Variants in THEMIS2 observed in about 807,000 individuals in gnomAD.
The protein encoded by THEMIS2 is thymocyte selection associated family member 2.
Under a neutral mutation model 46.8 loss-of-function variants are expected in THEMIS2, and 29 were observed. That is an observed-to-expected ratio of 0.62 (90% CI 0.46 to 0.84). THEMIS2 has a LOEUF of 0.84. THEMIS2 is among the 40% of genes least tolerant of loss of function. The pLI, the probability that THEMIS2 is intolerant of heterozygous loss-of-function variation, is 0.00. For synonymous variants in THEMIS2, 335 were observed against 349.1 expected (o/e 0.96, Z 0.45); for missense variants, 698 against 834.7 (o/e 0.84, Z 2.02).
chr1:27,873,916 G>A (rs1003637510), intron 1 of THEMIS2, among the ~76,000 whole-genome samples: 2 of 152,102 alleles, frequency 1.3e-5, no homozygotes, highest in Non-Finnish European at 2.9e-5. Flanking sequence ...GGGTGAGTGC[G>A]GAGGACAGAT....
chr1:27,880,138 C>T lies in THEMIS2; in HGVS notation c.646+84C>T, dbSNP rs1396901012. 20 of 1,399,750 alleles carry T rather than the reference C, an allele frequency of 1.4e-5. No homozygotes were observed. The Admixed American group carries it at 5.2e-4, about 36-fold the overall frequency. 86.7% of individuals were successfully genotyped at this position (1,399,750 alleles called of 1,614,324 possible). A position where few individuals can be genotyped will look rare whatever the true frequency, so the allele number is the denominator to read the frequency against. ...GGGAGCTGCTCTGATGGAAGACACC[C>T]CCACCCCATCCCTGAGGATCAGCTG... On this transcript the variant is annotated intron_variant, in intron 3 of 5. Transcript: ENST00000373921.
chr1:27,885,667 C>A (rs1344545727), intron 5 of THEMIS2, among the ~76,000 whole-genome samples, 200 bp from the exon 6 acceptor site: 1 of 152,128 alleles, frequency 6.6e-6, no homozygotes, highest in East Asian at 1.9e-4. Flanking sequence ...CAGTCCCCAA[C>A]ATACTACCCT....
intron 1 of THEMIS2, 62 bp from the exon 2 acceptor site, chr1:27,876,526 G>T: frequency 6.3e-7 from 1 of 1,582,802 alleles, no homozygotes. Context: ...TGGGCACCAG[G>T]GCACAGGCTG....
At chr1:27,885,555 T>C (rs2089756192) in intron 5 of THEMIS2, 104 bp downstream of exon 5, 1 of 1,404,688 alleles carries the variant, frequency 7.1e-7, no homozygotes, top group African/African-American at 1.4e-5. Flanking sequence ...GACCCTTCTA[T>C]GGTCCCAGTT....
intron 1 of THEMIS2, among the ~76,000 whole-genome samples, chr1:27,875,622 G>A (rs1205916446): frequency 6.6e-6 from 1 of 152,176 alleles, no homozygotes; most frequent in Non-Finnish European, 1.5e-5. Context: ...GTGCACTCGT[G>A]TGTGCGTGAG....
At position 27,885,892 on chromosome 1, in the gene THEMIS2, A is replaced by C; in HGVS notation, c.1902A>C (p.Glu634Asp). 1 of 1,613,988 alleles carries C rather than the reference A, an allele frequency of 6.2e-7. No homozygotes were observed. The highest frequency in any genetic ancestry group is 1.3e-5 in the African/African-American group (1 of 74,992). The change falls in exon 6 of 6, where the codon GAA becomes GAC. Residue 634 changes from glutamate to aspartate, a missense_variant. Coordinates refer to ENST00000373921, the MANE Select transcript of THEMIS2 (RefSeq NM_001105556.3). ...DLDDDEHDYEEILEQFQKTI is the reference protein window; with the variant it reads ...DLDDDEHDYEDILEQFQKTI Reference sequence around the variant, plus strand: ...ATGATGATGAACATGATTATGAAGAAATACTTGAGCAATTTCAGAAAACCA... The same window carrying C: ...ATGATGATGAACATGATTATGAAGACATACTTGAGCAATTTCAGAAAACCA...
intron 2 of THEMIS2, 113 bp downstream of exon 2, chr1:27,876,841 C>T (rs2089590028): frequency 7.4e-7 from 1 of 1,350,410 alleles, no homozygotes; most frequent in East Asian, 2.5e-5. Flanking sequence ...GGGGTTTGCT[C>T]CCGAGGCCCT....
At position 27,885,329 on chromosome 1, in the gene THEMIS2, G is replaced by T. The variant is rs368016870; in HGVS notation, c.1754G>T (p.Arg585Leu). The T allele has an allele frequency of 1.2e-6, 2 of 1,613,970 alleles. No homozygotes were observed. The highest frequency in any genetic ancestry group is 1.7e-6 in the Non-Finnish European group (2 of 1,179,998). ...SQVLGLQQHA[R>L]LPKPKAKTLP... ...GTCTTAGGATTGCAGCAACACGCTC[G>T]GCTGCCCAAACCCAAGGCGAAGACC... Residue 585 changes from arginine to leucine, a missense_variant, in exon 5 of 6, where the codon CGG (arginine) becomes CTG (leucine). By Grantham distance (102) the Arg-to-Leu change is moderately radical (BLOSUM62 -2). Coordinates refer to ENST00000373921, the MANE Select transcript of THEMIS2 (RefSeq NM_001105556.3).
Position 27,882,009 on chromosome 1 carries a change from G to T in THEMIS2, c.685G>T (p.Val229Phe). The change falls in exon 4 of 6, where the codon GTC becomes TTC. Residue 229 changes from valine (V) to phenylalanine (F), a missense_variant. Val to Phe is a conservative substitution (Grantham distance 50). Transcript: ENST00000373921. This position sits in a 1 kb window ranked among gnomAD's most constrained non-coding sequence, Gnocchi z 7.6. ...TIVKIPSTLE[V>F]DVEDVTASSR... Reference sequence around the variant, plus strand: ...TGTCAAGATCCCTTCTACCCTGGAGGTCGACGTGGAGGACGTCACCGCCTC... The same window carrying T: ...TGTCAAGATCCCTTCTACCCTGGAGTTCGACGTGGAGGACGTCACCGCCTC... 3.1e-6 allele frequency: 5 copies of T among 1,614,088 alleles called. No homozygotes were observed. Among genetic ancestry groups the T allele is most frequent in the Non-Finnish European group, 4.2e-6 (5 of 1,180,006 alleles).
rs545859600 is a variant in THEMIS2 at position 27,882,765 on chromosome 1, A to G, written c.1441A>G (p.Ile481Val). The G allele has an allele frequency of 1.9e-6, 3 of 1,613,610 alleles. No individual in the cohort carries two copies. Among genetic ancestry groups the G allele is most frequent in the East Asian group, 4.5e-5 (2 of 44,842 alleles). Residue 481 changes from isoleucine to valine, a missense_variant, in exon 4 of 6, where the codon ATC becomes GTC. Transcript: ENST00000373921. This position sits in a 1 kb window ranked among gnomAD's most constrained non-coding sequence, Gnocchi z 7.6. ...SFLGLRLEEK[I>V]TEPFLVVSLD... The stretch of plus-strand genomic sequence containing the variant: ...CCTGGGCCTGCGGCTGGAGGAGAAG[A>G]TCACAGAGCCATTCTTGGTGGTGAG...
intron 1 of THEMIS2, among the ~76,000 whole-genome samples, chr1:27,874,766 T>C (rs777626769): frequency 3.9e-5 from 6 of 152,022 alleles, no homozygotes; most frequent in Non-Finnish European, 8.8e-5. Context: ...TGGGCGACAG[T>C]GAGACTCTGT....
In THEMIS2 at chr1:27,886,592, T is replaced by C. The variant is rs2089776898; in HGVS notation, c.*670T>C. 6.6e-6 allele frequency: 1 copy of C among 152,198 alleles called. No homozygotes were observed. Among genetic ancestry groups the C allele is most frequent in the Non-Finnish European group, 1.5e-5 (1 of 68,026 alleles). 9.4% of individuals were successfully genotyped at this position (152,198 alleles called of 1,614,324 possible). ...GAAACTGGTAGGTTTCATCAGGTGG[T>C]TAAAGTCGTCAAAGTTGTAAGTGAC... On this transcript the variant is annotated 3_prime_UTR_variant, in exon 6 of 6. Transcript: ENST00000373921.
chr1:27,880,038 C>T lies in THEMIS2; in HGVS notation c.630C>T (p.Ile210=). The change falls in exon 3 of 6, where the codon ATC becomes ATT. Residue 210 remains isoleucine (I), a synonymous_variant. Transcript: ENST00000373921. ...TGATCCTGCGGCCCCAGTATGAGAT[C>T]CAAGCCATCATGCACAGTGAGTTGC... ...HSLILRPQYE[I]QAIMHMRRTI... The T allele has an allele frequency of 1.2e-6, 2 of 1,603,484 alleles. No individual in the cohort carries two copies. Among genetic ancestry groups the T allele is most frequent in the South Asian group, 1.1e-5 (1 of 90,450 alleles).
intron 3 of THEMIS2, among the ~76,000 whole-genome samples, chr1:27,880,447 A>T (rs960759323): frequency 6.6e-6 from 1 of 151,762 alleles, no homozygotes; most frequent in Non-Finnish European, 1.5e-5. Context: ...TGGCCTCCCA[A>T]AGTGCTGGGA....
intron 1 of THEMIS2, among the ~76,000 whole-genome samples, chr1:27,876,285 G>A (rs187633576): frequency 6.6e-6 from 1 of 152,188 alleles, no homozygotes; most frequent in Non-Finnish European, 1.5e-5. Context: ...GCCAAGCCCT[G>A]TGCTGGCTGC....
chr1:27,885,537 C>G, intron 5 of THEMIS2, 86 bp downstream of exon 5: 1 of 1,497,944 alleles, frequency 6.7e-7, no homozygotes, highest in South Asian at 1.3e-5. Flanking sequence ...TGGCCCTGTC[C>G]AGGGACAGAC....
chr1:27,875,903 T>C (rs1209533847), intron 1 of THEMIS2, among the ~76,000 whole-genome samples: 8 of 152,032 alleles, frequency 5.3e-5, no homozygotes, highest in African/African-American at 1.2e-4. Flanking sequence ...GGGGTTTCCC[T>C]GTGTTAGCCA....
At chr1:27,874,040 T>G (rs1379733664) in intron 1 of THEMIS2, among the ~76,000 whole-genome samples, 4 of 135,432 alleles carry the variant, frequency 3.0e-5, no homozygotes, top group Non-Finnish European at 4.6e-5. Flanking sequence ...TAGGTTTTTT[T>G]TTTTTTTTTT....
chr1:27,885,772 C>A, intron 5 of THEMIS2, 95 bp from the exon 6 acceptor site: 1 of 1,247,926 alleles, frequency 8.0e-7, no homozygotes, highest in Non-Finnish European at 1.2e-6. Flanking sequence ...GCATCCAGGC[C>A]ACCTCTTTCC....
Sources: allele counts gnomAD v4.1 joint callset (sites outside exome capture counted in the v4.1 genomes callset), GRCh38; gene constraint gnomAD v4.1.1; non-coding constraint Gnocchi (gnomAD v3.1); transcripts MANE v1.5; gene names NCBI Gene and HGNC (gene_info 2026-07-23, HGNC 2026-07-21).